ATP6V1H: variants seen among roughly 807,000 people sequenced by gnomAD.
ATP6V1H encodes the protein V-type proton ATPase subunit H.
ATP6V1H carries 39 observed loss-of-function variants against 71.7 expected under a neutral mutation model. The observed-to-expected ratio is 0.54, with a 90% CI of 0.42 to 0.71. The LOEUF is 0.71. ATP6V1H is among the 30% of genes least tolerant of loss of function. ATP6V1H has a pLI of 0.00. For missense variants in ATP6V1H, 509 were observed against 594.9 expected (o/e 0.86, Z 1.50); for synonymous variants, 192 against 199.3 (o/e 0.96, Z 0.31).
intron 2 of ATP6V1H, among the ~76,000 whole-genome samples, chr8:53,833,980 A>G (rs553685976): frequency 5.9e-4 from 89 of 151,802 alleles, no homozygotes; most frequent in Non-Finnish European, 8.4e-4. Context: ...CAACTTCTCC[A>G]CTCCTCAGGG....
intron 13 of ATP6V1H, among the ~76,000 whole-genome samples, chr8:53,742,207 C>G (rs1807437921): frequency 6.6e-6 from 1 of 152,158 alleles, no homozygotes; most frequent in Non-Finnish European, 1.5e-5. Context: ...ATCAGAGTTG[C>G]CCAACATTGG....
chr8:53,790,367 T>A (rs576462053), intron 9 of ATP6V1H, among the ~76,000 whole-genome samples: 1 of 152,102 alleles, frequency 6.6e-6, no homozygotes, highest in African/African-American at 2.4e-5. Context: ...AGTGTTCACA[T>A]AACCTGAAGT....
chr8:53,767,519 CTCT>C (rs1808510924), intron 11 of ATP6V1H, among the ~76,000 whole-genome samples: 1 of 152,032 alleles, frequency 6.6e-6, no homozygotes, highest in Admixed American at 6.6e-5. Flanking sequence ...TAAAGATACA[CTCT>C]TTTTTTTTAT....
In ATP6V1H at chr8:53,795,665, G is replaced by A. The variant is rs906659361; in HGVS notation, c.852C>T (p.Ile284=). 3.1e-6 allele frequency: 5 copies of A among 1,612,540 alleles called. No homozygotes were observed. The highest frequency in any genetic ancestry group is 3.3e-4 in the Middle Eastern group (2 of 6,082). ...CACTTACACGAAATGCTGCAAGAAT[G>A]ATTCTTGTTACTTTCTCTTTGACAG... ...QESVKEKVTR[I]ILAAFRNFLE... Residue 284 remains isoleucine, a synonymous_variant, in exon 9 of 14, where the codon ATC becomes ATT. Transcript: ENST00000359530.
chr8:53,743,619 T>C lies in ATP6V1H; in HGVS notation c.1349A>G (p.Tyr450Cys). 1 of 1,614,038 alleles carries C rather than the reference T, an allele frequency of 6.2e-7. No homozygotes were observed. The highest frequency in any genetic ancestry group is 8.5e-7 in the Non-Finnish European group (1 of 1,180,006). The stretch of plus-strand genomic sequence containing the variant: ...CTTCTGCACGGCCAGCAGAGCATTA[T>C]AGCGGACCTGCTGGTCTTCATGATG... ...HMHHEDQQVR[Y>C]NALLAVQKLM... Residue 450 changes from tyrosine to cysteine, a missense_variant, in exon 13 of 14, where the codon TAT becomes TGT. Transcript: ENST00000359530.
chr8:53,758,179 A>G (rs1031579105), intron 11 of ATP6V1H, among the ~76,000 whole-genome samples: 2 of 152,236 alleles, frequency 1.3e-5, no homozygotes, highest in African/African-American at 4.8e-5. Context: ...CTAAAATTAC[A>G]TTAAATTTAA....
intron 5 of ATP6V1H, among the ~76,000 whole-genome samples, chr8:53,815,231 T>C (rs551076100): frequency 6.6e-6 from 1 of 152,326 alleles, no homozygotes; most frequent in South Asian, 2.1e-4. Flanking sequence ...ACATCCTAGG[T>C]ATTAGTCGTC....
At chr8:53,747,481 T>A (rs962995978) in intron 12 of ATP6V1H, among the ~76,000 whole-genome samples, 1 of 151,420 alleles carries the variant, frequency 6.6e-6, no homozygotes, top group Admixed American at 6.6e-5. Flanking sequence ...CACTCTTTTT[T>A]ATTTTTTTTA....
At chr8:53,826,227 T>C (rs887873498) in intron 4 of ATP6V1H, among the ~76,000 whole-genome samples, 2 of 152,162 alleles carry the variant, frequency 1.3e-5, no homozygotes, top group African/African-American at 4.8e-5. Flanking sequence ...CAAAATGGAA[T>C]GTCTGGCAAT....
At chr8:53,733,038 C>A (rs570956449) in intron 13 of ATP6V1H, among the ~76,000 whole-genome samples, 1 of 152,282 alleles carries the variant, frequency 6.6e-6, no homozygotes, top group Admixed American at 6.5e-5. Context: ...GAAAGGTGTG[C>A]CTTTGTGTAT....
intron 9 of ATP6V1H, among the ~76,000 whole-genome samples, chr8:53,792,320 T>C (rs1401664086): frequency 6.6e-6 from 1 of 152,222 alleles, no homozygotes; most frequent in Non-Finnish European, 1.5e-5. Flanking sequence ...GAAAATCTAA[T>C]GCCCAGCCCA....
At chr8:53,819,329 C>T (rs995357760) in intron 4 of ATP6V1H, among the ~76,000 whole-genome samples, 2 of 151,260 alleles carry the variant, frequency 1.3e-5, no homozygotes, top group Non-Finnish European at 2.9e-5. Flanking sequence ...GTCAGGAGTT[C>T]GAGACCAGCC....
chr8:53,765,454 A>AACACACACACAC (rs59822523), intron 11 of ATP6V1H, among the ~76,000 whole-genome samples: 17 of 74,126 alleles, frequency 2.3e-4, no homozygotes, highest in African/African-American at 7.8e-4. Context: ...CAACAACAAC[A>AACACACACACAC]ACACACACAC....
chr8:53,760,797 T>A (rs747426069), intron 11 of ATP6V1H, among the ~76,000 whole-genome samples: 7 of 152,088 alleles, frequency 4.6e-5, no homozygotes, highest in Admixed American at 6.6e-5. Context: ...AAAAAACTCA[T>A]AATACCCCTT....
intron 13 of ATP6V1H, among the ~76,000 whole-genome samples, chr8:53,736,272 T>C (rs996025078): frequency 6.6e-6 from 1 of 152,182 alleles, no homozygotes; most frequent in Non-Finnish European, 1.5e-5. Context: ...AATCATTCTT[T>C]AAGCATATAA....
In ATP6V1H at chr8:53,817,577, A is replaced by G. The variant is rs776052877; in HGVS notation, c.307-47T>C. On this transcript the variant is annotated intron_variant, in intron 4 of 13. Coordinates refer to ENST00000359530, the MANE Select transcript of ATP6V1H (RefSeq NM_015941.4). The stretch of plus-strand genomic sequence containing the variant: ...ATCACCAGTCAGAACACATTTTGCT[A>G]AAGAATGTAACGACTGTGCACCACT... The G allele has an allele frequency of 2.3e-5, 29 of 1,262,946 alleles. No individual in the cohort carries two copies. In the East Asian group the frequency reaches 5.6e-4, roughly 24 times the overall value. The allele number at this position is 1,262,946 out of a possible 1,614,324, so 78.2% of individuals were successfully genotyped here. A position where few individuals can be genotyped will look rare whatever the true frequency, so the allele number is the denominator to read the frequency against.
chr8:53,724,146 A>G (rs1338101864), intron 13 of ATP6V1H, among the ~76,000 whole-genome samples: 1 of 152,186 alleles, frequency 6.6e-6, no homozygotes, highest in Admixed American at 6.5e-5. Context: ...AACTTTCAAA[A>G]ACCTACAAAC....
In ATP6V1H at chr8:53,841,582, G is replaced by A. The variant is rs756702608; in HGVS notation, c.109C>T (p.Leu37Phe). 3.1e-6 allele frequency: 5 copies of A among 1,614,054 alleles called. No homozygotes were observed. In the Middle Eastern group the frequency reaches 6.6e-4, roughly 213 times the overall value. The change falls in exon 2 of 14, where the codon CTT (leucine) becomes TTT (phenylalanine). Residue 37 changes from leucine (L) to phenylalanine (F), a missense_variant. By Grantham distance (22) the Leu-to-Phe change is conservative. Transcript: ENST00000359530. ...TCACAGCAAATTGGTACTTACTGAA[G>A]ATAGGATTGCCAGTTGACTTTGTTT... ...RANKVNWQSY[L>F]QGQMISAEDC...
intron 9 of ATP6V1H, among the ~76,000 whole-genome samples, chr8:53,790,654 C>T (rs117645047): frequency 0.01 from 1,558 of 152,322 alleles, 12 homozygotes; most frequent in Middle Eastern, 0.017. Flanking sequence ...AACCTGACTG[C>T]CACTGCACAT....
Sources: gnomAD v4.1 joint callset for allele counts (sites outside exome capture counted in the v4.1 genomes callset) on GRCh38, gnomAD v4.1.1 for gene constraint, MANE v1.5 for transcripts, NCBI Gene and HGNC (gene_info 2026-07-23, HGNC 2026-07-21) for gene names.